Variants in HEATR5B observed in about 807,000 individuals in gnomAD.
HEATR5B encodes the protein HEAT repeat containing 5B.
A neutral mutation model predicts 224.1 loss-of-function variants in HEATR5B; 156 were observed. The ratio of observed to expected loss-of-function variants is 0.70; its 90% CI spans 0.61 to 0.80. HEATR5B has a LOEUF of 0.80. Ranked by LOEUF, HEATR5B falls within the 30% of genes least tolerant of loss-of-function variation. The pLI is 0.00. For synonymous variants in HEATR5B, 1,027 were observed against 893.0 expected, an observed-to-expected ratio of 1.15 and a Z score of -2.68; for missense variants, 2,323 against 2,535.5, an observed-to-expected ratio of 0.92 and a Z score of 1.80.
chr2:37,008,218 C>A (rs774899941), intron 28 of HEATR5B: 26 of 175,046 alleles, frequency 1.5e-4, no homozygotes, highest in Non-Finnish European at 2.6e-4. Flanking sequence ...AACTAAAGTA[C>A]AATTTGCAAA....
At chr2:37,006,824 T>C (rs1375958568) in intron 29 of HEATR5B, among the ~76,000 whole-genome samples, 3 of 152,244 alleles carry the variant, frequency 2.0e-5, no homozygotes, top group South Asian at 2.1e-4. Flanking sequence ...TTGTTCGATA[T>C]TGCTGTGTGA....
At chr2:37,054,851 A>T (rs1356915282) in intron 16 of HEATR5B, among the ~76,000 whole-genome samples, 3 of 152,168 alleles carry the variant, frequency 2.0e-5, no homozygotes, top group African/African-American at 7.2e-5. Context: ...TGTGAAACAA[A>T]GGAATCCAAG....
At chr2:37,006,645 CAAAAAACA>C (rs1667438881) in intron 29 of HEATR5B, among the ~76,000 whole-genome samples, 1 of 151,760 alleles carries the variant, frequency 6.6e-6, no homozygotes, top group Non-Finnish European at 1.5e-5. Context: ...CTGTCTCAAA[CAAAAAACA>C]AAAAAACAAG....
At chr2:37,030,888 T>C (rs926979990) in intron 22 of HEATR5B, among the ~76,000 whole-genome samples, 1 of 152,228 alleles carries the variant, frequency 6.6e-6, no homozygotes, top group Non-Finnish European at 1.5e-5. Flanking sequence ...CATCTGGGAA[T>C]TGGGTTTCTA....
At chr2:37,053,100 G>A (rs1670663553) in intron 17 of HEATR5B, among the ~76,000 whole-genome samples, 1 of 152,174 alleles carries the variant, frequency 6.6e-6, no homozygotes, top group East Asian at 1.9e-4. Flanking sequence ...AGCTTAATGA[G>A]AACGCAATCT....
chr2:37,045,757 A>T (rs1670153231), intron 18 of HEATR5B, among the ~76,000 whole-genome samples: 1 of 151,982 alleles, frequency 6.6e-6, no homozygotes, highest in African/African-American at 2.4e-5. Context: ...TCTCTCCTCA[A>T]GTTTGGGTTT....
chr2:37,014,434 T>A (rs1667986148), intron 26 of HEATR5B, among the ~76,000 whole-genome samples: 1 of 151,836 alleles, frequency 6.6e-6, no homozygotes, highest in Admixed American at 6.6e-5. Flanking sequence ...AGTGCTGGTA[T>A]TACAGGTGTG....
intron 26 of HEATR5B, among the ~76,000 whole-genome samples, chr2:37,017,816 C>A (rs1423929120): frequency 6.6e-6 from 1 of 151,900 alleles, no homozygotes; most frequent in African/African-American, 2.4e-5. Context: ...AGACTTTGCC[C>A]TACATCAAAA....
In HEATR5B at chr2:37,049,847, CATT is replaced by C; in HGVS notation, c.2506-7_2506-5del. On this transcript the variant is annotated splice_polypyrimidine_tract_variant and splice_region_variant and intron_variant, in intron 17 of 35. Transcript: ENST00000233099. ...TACTTTTGTTTTCAGCTAAGCCCTACATTAAAAAAAAAAAAAAAAAAAAGACAG... is the reference window on the plus strand; with the variant it reads ...TACTTTTGTTTTCAGCTAAGCCCTACAAAAAAAAAAAAAAAAAAAAGACAG... 1 of 696,342 alleles carries C rather than the reference CATT, an allele frequency of 1.4e-6. No homozygotes were observed. The highest frequency in any genetic ancestry group is 1.9e-6 in the Non-Finnish European group (1 of 513,482). The allele number at this position is 696,342 out of a possible 1,614,324, so 43.1% of individuals were successfully genotyped here. A position where few individuals can be genotyped will look rare whatever the true frequency, so the allele number is the denominator to read the frequency against.
At chr2:37,074,150 T>G (rs1456152149) in intron 5 of HEATR5B, among the ~76,000 whole-genome samples, 3 of 151,764 alleles carry the variant, frequency 2.0e-5, no homozygotes, top group South Asian at 2.1e-4. Context: ...TGAAACCCCA[T>G]CTCTACTAAA....
At chr2:37,016,135 CAG>C (rs1255131985) in intron 26 of HEATR5B, among the ~76,000 whole-genome samples, 6 of 126,688 alleles carry the variant, frequency 4.7e-5, no homozygotes, top group Admixed American at 8.4e-5. Flanking sequence ...TTTTTTGAGA[CAG>C]AGTCTCACTC....
At chr2:37,060,466 T>C in intron 12 of HEATR5B, 115 bp downstream of exon 12, 2 of 829,384 alleles carry the variant, frequency 2.4e-6, no homozygotes, top group Non-Finnish European at 3.6e-6. Context: ...TAAAAGCCTA[T>C]GAATTTATCA....
chr2:37,020,424 G>C (rs1243062685), intron 25 of HEATR5B, among the ~76,000 whole-genome samples: 2 of 152,288 alleles, frequency 1.3e-5, no homozygotes, highest in East Asian at 1.9e-4. Flanking sequence ...TTCTATTCTA[G>C]TTTTATCACT....
intron 33 of HEATR5B, among the ~76,000 whole-genome samples, chr2:36,994,907 C>T (rs1228523886): frequency 2.0e-5 from 3 of 151,652 alleles, no homozygotes; most frequent in African/African-American, 4.8e-5. Context: ...CCTGCCACCA[C>T]GCCTGGCTAA....
chr2:37,067,696 T>C (rs1257195010), intron 8 of HEATR5B, among the ~76,000 whole-genome samples: 1 of 152,086 alleles, frequency 6.6e-6, no homozygotes, highest in African/African-American at 2.4e-5. Flanking sequence ...AATTTGAACC[T>C]GAGAGGTGGA....
intron 33 of HEATR5B, among the ~76,000 whole-genome samples, chr2:37,000,356 G>A (rs961523219): frequency 2.9e-4 from 44 of 152,234 alleles, no homozygotes; most frequent in African/African-American, 1.0e-3. Context: ...GATTACAGAC[G>A]TGGGCCACCA....
At chr2:37,077,569 A>G (rs1183271514) in intron 3 of HEATR5B, among the ~76,000 whole-genome samples, 1 of 152,188 alleles carries the variant, frequency 6.6e-6, no homozygotes, top group African/African-American at 2.4e-5. Context: ...CGGCCTCCCA[A>G]AGTGTTGGGA....
At chr2:36,997,358 A>AT (rs1022535225) in intron 33 of HEATR5B, among the ~76,000 whole-genome samples, 6 of 149,740 alleles carry the variant, frequency 4.0e-5, no homozygotes, top group African/African-American at 1.5e-4. Flanking sequence ...CTAATTATTT[A>AT]TTTTTTATTT....
At chr2:37,057,186 T>A in intron 15 of HEATR5B, 131 bp downstream of exon 15, 1 of 584,494 alleles carries the variant, frequency 1.7e-6, no homozygotes, top group Non-Finnish European at 2.7e-6. Flanking sequence ...CAGGATGCCA[T>A]CTTTAAGTGT....
Sources: gnomAD v4.1 joint callset for allele counts (sites outside exome capture counted in the v4.1 genomes callset) on GRCh38, gnomAD v4.1.1 for gene constraint, MANE v1.5 for transcripts, NCBI Gene and HGNC (gene_info 2026-07-23, HGNC 2026-07-21) for gene names.